Variants in PCCB observed in about 807,000 individuals in gnomAD.
The protein encoded by PCCB is propionyl-CoA carboxylase subunit beta.
PCCB carries 43 observed loss-of-function variants against 60.7 expected under a neutral mutation model. The ratio of observed to expected loss-of-function variants is 0.71; its 90% CI spans 0.55 to 0.91. The LOEUF is 0.91. PCCB is among the 40% of genes least tolerant of loss of function. The pLI is 0.00. For synonymous variants in PCCB, 276 were observed against 255.9 expected (o/e 1.08, Z -0.75); for missense variants, 766 against 702.8 (o/e 1.09, Z -1.02).
intron 8 of PCCB, among the ~76,000 whole-genome samples, chr3:136,299,905 T>C (rs1007563457): frequency 2.6e-5 from 4 of 151,956 alleles, no homozygotes; most frequent in Non-Finnish European, 5.9e-5. Flanking sequence ...CGTACATATG[T>C]ATGCATGTAT....
At chr3:136,274,565 A>G (rs748497089) in intron 5 of PCCB, among the ~76,000 whole-genome samples, 3 of 152,122 alleles carry the variant, frequency 2.0e-5, no homozygotes, top group Admixed American at 6.5e-5. Flanking sequence ...TCTTTCCTTC[A>G]TGTTGACTTT....
At chr3:136,293,242 A>T (rs1361194233) in intron 6 of PCCB, among the ~76,000 whole-genome samples, 2 of 152,148 alleles carry the variant, frequency 1.3e-5, no homozygotes, top group African/African-American at 2.4e-5. Flanking sequence ...GCCTGAAGTG[A>T]TCCTCCTGCC....
chr3:136,329,632 G>A lies in PCCB; in HGVS notation c.1499-273G>A, dbSNP rs549714377. Among the ~76,000 whole-genome samples the A allele has an allele frequency of 2.6e-5, 4 of 152,270 alleles. No individual in the cohort carries two copies. In the South Asian group the frequency reaches 6.2e-4, roughly 24 times the overall value. ...TTTATTTCCTATTGAATTCATTGTG[G>A]CAGGATGGAGGCATTGGAGCAAGCA... On this transcript the variant is annotated intron_variant, in intron 14 of 14. Coordinates refer to ENST00000251654, the MANE Select transcript of PCCB (RefSeq NM_000532.5).
At chr3:136,318,073 T>C (rs1934973817) in intron 10 of PCCB, among the ~76,000 whole-genome samples, 1 of 152,340 alleles carries the variant, frequency 6.6e-6, no homozygotes, top group East Asian at 1.9e-4. Context: ...GTGTGGTGCC[T>C]CACGCCTGTA....
At chr3:136,260,308 A>G in intron 3 of PCCB, 171 bp from the exon 4 acceptor site, 2 of 688,602 alleles carry the variant, frequency 2.9e-6, no homozygotes, top group African/African-American at 1.8e-5. Context: ...AGACTCCTGG[A>G]CTCAAGCCAT....
rs553167940 is a variant in PCCB at position 136,253,452 on chromosome 3, G to A, written c.184-2404G>A. ...CAGGCTGGAGTGCGGTGGAGTGATC[G>A]TGGCTCACTACAACCTCTGCTTCCC... On this transcript the variant is annotated intron_variant, in intron 1 of 14. Coordinates refer to ENST00000251654, the MANE Select transcript of PCCB (RefSeq NM_000532.5). 3.0e-3 allele frequency among the ~76,000 whole-genome samples: 453 copies of A among 151,298 alleles called. 4 individuals carry two copies. Among genetic ancestry groups the A allele is most frequent in the Non-Finnish European group, 4.5e-3 (306 of 67,728 alleles).
intron 9 of PCCB, among the ~76,000 whole-genome samples, chr3:136,307,396 C>T (rs1056528165): frequency 2.8e-4 from 43 of 151,928 alleles, no homozygotes; most frequent in African/African-American, 9.4e-4. Flanking sequence ...AAAAATGCAA[C>T]TGAAAAATGG....
At chr3:136,327,479 A>G (rs1935365873) in intron 12 of PCCB, among the ~76,000 whole-genome samples, 155 bp from the exon 13 acceptor site, 1 of 152,228 alleles carries the variant, frequency 6.6e-6, no homozygotes, top group South Asian at 2.1e-4. Flanking sequence ...GATAATGAGC[A>G]TTAACTTTGA....
chr3:136,322,067 T>C (rs1173789931), intron 10 of PCCB, among the ~76,000 whole-genome samples: 1 of 152,248 alleles, frequency 6.6e-6, no homozygotes, highest in Non-Finnish European at 1.5e-5. Context: ...AACTTCTAGT[T>C]TCTTACAAGT....
chr3:136,285,176 A>T lies in PCCB; in HGVS notation c.654+1229A>T, dbSNP rs190162181. 2.0e-5 allele frequency among the ~76,000 whole-genome samples: 3 copies of T among 151,532 alleles called. No homozygotes were observed. The East Asian group carries it at 5.8e-4, about 30-fold the overall frequency. On this transcript the variant is annotated intron_variant, in intron 6 of 14. Transcript: ENST00000251654. ...TTTCTGAACTTTGCTTACTAAGTCT[A>T]TATATACACACCTAGCTGGTGCTAC...
At chr3:136,302,459 G>T (rs1024735819) in intron 9 of PCCB, among the ~76,000 whole-genome samples, 6 of 120,712 alleles carry the variant, frequency 5.0e-5, no homozygotes, top group African/African-American at 1.5e-4. Flanking sequence ...GATAACTCTT[G>T]ATTCTCATTA....
At chr3:136,290,443 C>T (rs1021273761) in intron 6 of PCCB, among the ~76,000 whole-genome samples, 4 of 151,962 alleles carry the variant, frequency 2.6e-5, no homozygotes, top group African/African-American at 9.7e-5. Flanking sequence ...TTGTGGCTGC[C>T]TTTAGGATAT....
At chr3:136,255,583 T>C (rs1941650483) in intron 1 of PCCB, 1 of 478,652 alleles carries the variant, frequency 2.1e-6, no homozygotes, top group Non-Finnish European at 3.8e-6. Context: ...AGGTTCTCCT[T>C]ATCCCCACTT....
chr3:136,275,344 T>G (rs1272546617), intron 5 of PCCB, among the ~76,000 whole-genome samples: 3 of 148,604 alleles, frequency 2.0e-5, no homozygotes, highest in Non-Finnish European at 3.0e-5. Flanking sequence ...GTTTTTTAAG[T>G]TTTTTTTTTA....
At position 136,260,464 on chromosome 3, in the gene PCCB, GT is replaced by G. The variant is rs1216179544; in HGVS notation, c.373-14del. 1 of 1,607,418 alleles carries G rather than the reference GT, an allele frequency of 6.2e-7. No homozygotes were observed. The highest frequency in any genetic ancestry group is 2.2e-5 in the East Asian group (1 of 44,844). On this transcript the variant is annotated splice_polypyrimidine_tract_variant and intron_variant, in intron 3 of 14. Coordinates refer to ENST00000251654, the MANE Select transcript of PCCB (RefSeq NM_000532.5). ...GTCACTATATTTGACTTGCTGATTT[GT>G]ATTTTCTTTTTAGGATTTTACAGTT...
intron 6 of PCCB, among the ~76,000 whole-genome samples, chr3:136,285,872 T>G (rs1479723503): frequency 2.6e-5 from 4 of 152,246 alleles, no homozygotes; most frequent in Non-Finnish European, 5.9e-5. Flanking sequence ...GCACCATTCT[T>G]AAGCTGTCAC....
At chr3:136,322,469 TAGAA>T (rs1324943526) in intron 10 of PCCB, among the ~76,000 whole-genome samples, 3 of 152,242 alleles carry the variant, frequency 2.0e-5, no homozygotes, top group Admixed American at 2.0e-4. Flanking sequence ...GCTGGACTCA[TAGAA>T]TGAGTTAGAA....
intron 5 of PCCB, among the ~76,000 whole-genome samples, chr3:136,262,680 T>G (rs1026367621): frequency 1.3e-5 from 2 of 152,164 alleles, no homozygotes; most frequent in African/African-American, 4.8e-5. Context: ...GGGAGAGAGA[T>G]ACTGCAGACA....
At chr3:136,279,405 G>GT (rs1442927138) in intron 5 of PCCB, among the ~76,000 whole-genome samples, 1 of 152,052 alleles carries the variant, frequency 6.6e-6, no homozygotes, top group Non-Finnish European at 1.5e-5. Flanking sequence ...TAGTTGAGTT[G>GT]TTTGCCTTTT....
Sources: allele counts gnomAD v4.1 joint callset (sites outside exome capture counted in the v4.1 genomes callset), GRCh38; gene constraint gnomAD v4.1.1; transcripts MANE v1.5; gene names NCBI Gene and HGNC (gene_info 2026-07-23, HGNC 2026-07-21).